The following KIAA1217 variants were observed in gnomAD, a reference collection of about 807,000 sequenced individuals.
KIAA1217 encodes sickle tail protein homolog.
In KIAA1217, 88 loss-of-function variants were observed where a neutral mutation model predicts 163.9. The ratio of observed to expected loss-of-function variants is 0.54; its 90% confidence interval spans 0.45 to 0.64. The LOEUF (loss-of-function observed/expected upper bound fraction) is 0.64, where lower values mean the gene tolerates loss of function less well. Among genes scored for constraint, KIAA1217 ranks in the 30% least tolerant of loss-of-function variants. The probability of loss-of-function intolerance (pLI) is 0.00; values close to 1 mark genes in which losing one functional copy is unlikely to be tolerated. For missense variants in KIAA1217, 2,372 were observed against 2,475.0 expected (o/e 0.96, Z 0.88); for synonymous variants, 903 against 923.1 (o/e 0.98, Z 0.39).
chr10:23,867,638 A>G (rs1840256882), intron 1 of KIAA1217, among the ~76,000 whole-genome samples: 1 of 152,192 alleles, frequency 6.6e-6, no homozygotes, highest in Admixed American at 6.5e-5. Context: ...TTTTGGCTGC[A>G]TAAATATCTT....
intron 1 of KIAA1217, among the ~76,000 whole-genome samples, chr10:23,701,779 C>T (rs1188462795): frequency 1.3e-5 from 2 of 152,182 alleles, no homozygotes; most frequent in African/African-American, 4.8e-5. Context: ...TTTACCAGGA[C>T]ATTGTGAGCA....
chr10:23,998,841 G>A (rs981084402), intron 1 of KIAA1217, among the ~76,000 whole-genome samples: 1 of 152,172 alleles, frequency 6.6e-6, no homozygotes, highest in African/African-American at 2.4e-5. Context: ...CATGGTTACT[G>A]ATTTAAAAGC....
intron 1 of KIAA1217, 97 bp downstream of exon 1, chr10:24,209,360 GAA>G (rs397774795): frequency 6.9e-3 from 3,989 of 575,764 alleles, no homozygotes; most frequent in South Asian, 0.013. Flanking sequence ...CCCGGCAAAG[GAA>G]AAAAAAAAAA....
intron 1 of KIAA1217, among the ~76,000 whole-genome samples, chr10:23,836,967 T>C (rs1034298959): frequency 2.0e-5 from 3 of 151,790 alleles, no homozygotes; most frequent in Non-Finnish European, 4.4e-5. Flanking sequence ...ATGAATAAGG[T>C]ACATTGTGCC....
intron 6 of KIAA1217, among the ~76,000 whole-genome samples, chr10:24,479,381 A>C (rs16924825): frequency 0.093 from 14,175 of 152,238 alleles, 936 homozygotes; most frequent in East Asian, 0.16. Context: ...CTAAACCATG[A>C]TTTATCCTCC....
At chr10:24,111,237 G>T (rs1334580482) in intron 2 of KIAA1217, among the ~76,000 whole-genome samples, 1 of 152,108 alleles carries the variant, frequency 6.6e-6, no homozygotes, top group Non-Finnish European at 1.5e-5. Flanking sequence ...CCAACTGATT[G>T]TGTTACAGTT....
chr10:23,946,467 T>G, intron 1 of KIAA1217, among the ~76,000 whole-genome samples: 1 of 152,266 alleles, frequency 6.6e-6, no homozygotes. Flanking sequence ...AATTTATATT[T>G]TACCCATATA....
intron 2 of KIAA1217, among the ~76,000 whole-genome samples, chr10:24,117,843 G>A (rs2063120263): frequency 6.6e-6 from 1 of 152,080 alleles, no homozygotes; most frequent in African/African-American, 2.4e-5. Context: ...TCGCTGAAAA[G>A]TGTACTTTCA....
chr10:23,925,326 C>T (rs569437016), intron 1 of KIAA1217, among the ~76,000 whole-genome samples: 2 of 152,240 alleles, frequency 1.3e-5, no homozygotes, highest in Admixed American at 1.3e-4. Context: ...CAGTGCCAGG[C>T]CCTGGGTTAG....
chr10:24,128,214 C>T (rs966021932), intron 2 of KIAA1217, among the ~76,000 whole-genome samples: 1 of 152,134 alleles, frequency 6.6e-6, no homozygotes, highest in Admixed American at 6.6e-5. Flanking sequence ...TTTACAATGG[C>T]AATAATCTCT....
At chr10:24,506,916 A>G (rs2068442462) in intron 9 of KIAA1217, among the ~76,000 whole-genome samples, 1 of 152,250 alleles carries the variant, frequency 6.6e-6, no homozygotes, top group Non-Finnish European at 1.5e-5. Context: ...TTAAATATTA[A>G]GCCAAGCATG....
intron 1 of KIAA1217, among the ~76,000 whole-genome samples, chr10:23,717,610 C>T (rs1379513875): frequency 1.3e-5 from 2 of 152,102 alleles, no homozygotes; most frequent in Non-Finnish European, 2.9e-5. Context: ...AGATTGATTT[C>T]TGAATGTTCT....
At chr10:24,040,933 C>T (rs1395460889) in intron 2 of KIAA1217, among the ~76,000 whole-genome samples, 4 of 152,262 alleles carry the variant, frequency 2.6e-5, no homozygotes, top group South Asian at 2.1e-4. Flanking sequence ...ATTACTATAC[C>T]GACTTTAATA....
At chr10:23,923,806 T>A (rs930755695) in intron 1 of KIAA1217, among the ~76,000 whole-genome samples, 1 of 152,218 alleles carries the variant, frequency 6.6e-6, no homozygotes, top group Non-Finnish European at 1.5e-5. Context: ...GTTTTTTGTT[T>A]GTTTTTGTTT....
chr10:24,153,705 T>C (rs1029396823), intron 2 of KIAA1217, among the ~76,000 whole-genome samples: 1 of 152,254 alleles, frequency 6.6e-6, no homozygotes, highest in Non-Finnish European at 1.5e-5. Context: ...ATTACAGTAA[T>C]GGAAGTTTCA....
At chr10:24,439,650 C>CT (rs60419075) in intron 5 of KIAA1217, among the ~76,000 whole-genome samples, 33,422 of 142,916 alleles carry the variant, frequency 0.23, 4,685 homozygotes, top group African/African-American at 0.4. Flanking sequence ...AGAATCTTTT[C>CT]TTTTTTTTTT....
intron 1 of KIAA1217, among the ~76,000 whole-genome samples, chr10:23,720,674 A>G (rs1380074687): frequency 6.6e-6 from 1 of 152,222 alleles, no homozygotes; most frequent in Admixed American, 6.5e-5. Flanking sequence ...TGCACCAAAC[A>G]CTTTACCTCT....
chr10:24,076,878 T>C lies in KIAA1217; in HGVS notation c.-171+69504T>C, dbSNP rs564054707. Among the ~76,000 whole-genome samples, 36 of 95,048 alleles carry C rather than the reference T, an allele frequency of 3.8e-4. No homozygotes were observed. In the East Asian group the frequency reaches 7.4e-3, roughly 19 times the overall value. The allele number at this position is 95,048 out of a possible 152,430, so 62.4% of individuals were successfully genotyped here. A position where few individuals can be genotyped will look rare whatever the true frequency, so the allele number is the denominator to read the frequency against. On this transcript the variant is annotated intron_variant, in intron 2 of 18. Transcript: ENST00000376462. ...AAACTGCTAATTTTTTATTTCCATC[T>C]TTTTTTTTTTTTTTTTGAGATGGAG...
At chr10:24,350,918 GT>G (rs2048377678) in intron 2 of KIAA1217, among the ~76,000 whole-genome samples, 1 of 151,332 alleles carries the variant, frequency 6.6e-6, no homozygotes, top group South Asian at 2.1e-4. Flanking sequence ...TATTTCAACA[GT>G]TTTTTTGGAA....
Sources: gnomAD v4.1 joint callset for allele counts (sites outside exome capture counted in the v4.1 genomes callset) on GRCh38, gnomAD v4.1.1 for gene constraint, MANE v1.5 for transcripts, NCBI Gene and HGNC (gene_info 2026-07-23, HGNC 2026-07-21) for gene names.